The following GPATCH2L variants were observed in gnomAD, a reference collection of about 807,000 sequenced individuals.
The protein encoded by GPATCH2L is G patch domain-containing protein 2-like.
In GPATCH2L, 31 loss-of-function variants were observed where a neutral mutation model predicts 57.4. The ratio of observed to expected loss-of-function variants is 0.54; its 90% CI spans 0.41 to 0.73. The LOEUF is 0.73. Ranked by LOEUF, GPATCH2L falls within the 30% of genes least tolerant of loss-of-function variation. The pLI, the probability that GPATCH2L is intolerant of heterozygous loss-of-function variation, is 0.00. For synonymous variants in GPATCH2L, 199 were observed against 210.7 expected, an observed-to-expected ratio of 0.94 and a Z score of 0.48; for missense variants, 481 against 599.9, an observed-to-expected ratio of 0.80 and a Z score of 2.07.
chr14:76,235,234 G>A (rs1323867230), intron 2 of GPATCH2L, among the ~76,000 whole-genome samples: 2 of 151,760 alleles, frequency 1.3e-5, no homozygotes, highest in Non-Finnish European at 2.9e-5. Flanking sequence ...ATATTGAATT[G>A]AATGACTGAT....
Position 76,176,680 on chromosome 14 carries a change from C to T in GPATCH2L, c.1042C>T (p.Arg348Trp), listed in dbSNP as rs561613959. Residue 348 changes from arginine to tryptophan, a missense_variant, in exon 6 of 10, where the codon CGG (arginine) becomes TGG (tryptophan). Around this residue, in one of 3 missense-constraint regions of GPATCH2L, gnomAD observed 248 missense variants for 270.5 expected, o/e 0.92. Transcript: ENST00000261530. ...GATAAGCCATATCATTAGTGACCCT[C>T]GGCAGAAAGAGTAAGTGCTTATGTA... is the stretch of plus-strand genomic sequence containing the variant. The part of the protein sequence containing the change: ...ERISHIISDP[R>W]QKEKNKALAS... The T allele has an allele frequency of 2.1e-5, 34 of 1,605,258 alleles. No individual in the cohort carries two copies. The highest frequency in any genetic ancestry group is 9.9e-5 in the South Asian group (9 of 90,894).
At position 76,154,745 on chromosome 14, in the gene GPATCH2L, C is replaced by T. The variant is rs370738708; in HGVS notation, c.382C>T (p.Arg128Cys). 4 of 1,614,082 alleles carry T rather than the reference C, an allele frequency of 2.5e-6. No individual in the cohort carries two copies. Among genetic ancestry groups the T allele is most frequent in the African/African-American group, 2.7e-5 (2 of 74,932 alleles). Residue 128 changes from arginine (R) to cysteine (C), a missense_variant, in exon 2 of 10, where the codon CGC becomes TGC. Arg to Cys is a radical substitution (Grantham distance 180). This residue lies in a region of GPATCH2L where 208 missense variants were observed against 272.4 expected (regional missense o/e 0.76). Transcript: ENST00000261530. The surrounding 1 kb of genome is among the most constrained non-coding windows in gnomAD (Gnocchi z 4.4). ...TENAPCRPLR[R>C]RRKVKRVTSE... ...AAATGCACCTTGTCGACCACTCAGGCGCAGGCGGAAGGTGAAGCGAGTGAC... is the reference window on the plus strand; with the variant it reads ...AAATGCACCTTGTCGACCACTCAGGTGCAGGCGGAAGGTGAAGCGAGTGAC...
Position 76,213,266 on chromosome 14 carries a change from C to T in GPATCH2L, c.*11415C>T, listed in dbSNP as rs2040462354. On this transcript the variant is annotated 3_prime_UTR_variant, in exon 10 of 10. Coordinates refer to ENST00000261530, the MANE Select transcript of GPATCH2L (RefSeq NM_017926.4). ...GAGTCATAAAATATTCTTTGCTCAA[C>T]TGTATGCAAACAATTTAAAAACTTG... is the stretch of plus-strand genomic sequence containing the variant. 1 of 152,080 alleles carries T rather than the reference C, an allele frequency of 6.6e-6. No homozygotes were observed. Among genetic ancestry groups the T allele is most frequent in the Non-Finnish European group, 1.5e-5 (1 of 68,024 alleles). 9.4% of individuals were successfully genotyped at this position (152,080 alleles called of 1,614,324 possible).
chr14:76,202,564 G>C lies in GPATCH2L; in HGVS notation c.*713G>C, dbSNP rs1358565706. ...ACACACACACACACACACACACACA[G>C]ATTGGTATAATGGAGAAGATGGTTT... On this transcript the variant is annotated 3_prime_UTR_variant, in exon 10 of 10. Transcript: ENST00000261530. The C allele has an allele frequency of 8.3e-6, 1 of 121,180 alleles. No homozygotes were observed. The highest frequency in any genetic ancestry group is 3.5e-5 in the African/African-American group (1 of 28,546). 7.5% of individuals were successfully genotyped at this position (121,180 alleles called of 1,614,324 possible). A position where few individuals can be genotyped will look rare whatever the true frequency, so the allele number is the denominator to read the frequency against.
At chr14:76,162,716 A>G (rs1049381709) in intron 2 of GPATCH2L, among the ~76,000 whole-genome samples, 1 of 152,204 alleles carries the variant, frequency 6.6e-6, no homozygotes, top group African/African-American at 2.4e-5. Context: ...TTCAGGAACC[A>G]TAAGGGCAAG....
At position 76,180,928 on chromosome 14, in the gene GPATCH2L, T is replaced by A; in HGVS notation, c.1193+79T>A. The A allele has an allele frequency of 1.3e-5, 11 of 878,066 alleles. No individual in the cohort carries two copies. In the South Asian group the frequency reaches 1.5e-4, roughly 12 times the overall value. The allele number at this position is 878,066 out of a possible 1,614,324, so 54.4% of individuals were successfully genotyped here. On this transcript the variant is annotated intron_variant, in intron 8 of 9. Coordinates refer to ENST00000261530, the MANE Select transcript of GPATCH2L (RefSeq NM_017926.4). ...CTATTACCCCTCAAATTATAGAGTA[T>A]GCTTGTGTACAGTATCCAATTTGAT...
chr14:76,183,831 A>G (rs1398579777), intron 8 of GPATCH2L, among the ~76,000 whole-genome samples: 1 of 152,220 alleles, frequency 6.6e-6, no homozygotes, highest in Non-Finnish European at 1.5e-5. Flanking sequence ...AGAGTGGATC[A>G]TTTAGCAAAA....
rs770084687 is a variant in GPATCH2L, at chr14:76,201,815, T to A, written c.1413T>A (p.Phe471Leu). ...KATDATTATF[F>L]KMPQEKSPGY... ...CAGACGCAACTACTGCTACATTTTT[T>A]AAAATGCCACAAGAAAAGAGCCCTG... The change falls in exon 10 of 10, where the codon TTT becomes TTA. Residue 471 changes from phenylalanine (F) to leucine (L), a missense_variant. Physicochemically the swap from Phe to Leu is conservative, Grantham distance 22. Coordinates refer to ENST00000261530, the MANE Select transcript of GPATCH2L (RefSeq NM_017926.4). 7 of 1,613,962 alleles carry A rather than the reference T, an allele frequency of 4.3e-6. No individual in the cohort carries two copies. Among genetic ancestry groups the A allele is most frequent in the African/African-American group, 1.3e-5 (1 of 74,908 alleles).
chr14:76,233,854 A>T (rs1308167379), intron 2 of GPATCH2L, among the ~76,000 whole-genome samples: 4 of 152,188 alleles, frequency 2.6e-5, no homozygotes, highest in Non-Finnish European at 5.9e-5. Flanking sequence ...CTGTAATCCC[A>T]CCACTTTGGG....
At chr14:76,174,049 A>T (rs1055917905) in intron 5 of GPATCH2L, 1 of 179,468 alleles carries the variant, frequency 5.6e-6, no homozygotes, top group Non-Finnish European at 1.1e-5. Context: ...AAAAAAAAAC[A>T]AAACTGTTAC....
intron 8 of GPATCH2L, among the ~76,000 whole-genome samples, chr14:76,181,515 C>CT (rs1566797771): frequency 6.6e-6 from 1 of 152,082 alleles, no homozygotes; most frequent in Non-Finnish European, 1.5e-5. Context: ...TTTGGTTTTT[C>CT]TTTTTTAATT....
chr14:76,173,442 CA>C (rs1437819411), intron 4 of GPATCH2L, 103 bp from the exon 5 acceptor site: 4 of 670,158 alleles, frequency 6.0e-6, no homozygotes, highest in Non-Finnish European at 1.1e-5. Context: ...GTTTAAAGGT[CA>C]ATCTATTAAG....
intron 2 of GPATCH2L, among the ~76,000 whole-genome samples, chr14:76,165,649 G>A (rs1273010844): frequency 6.6e-6 from 1 of 151,936 alleles, no homozygotes; most frequent in African/African-American, 2.4e-5. Flanking sequence ...TTTTGCATCT[G>A]GTATTCAGAG....
chr14:76,173,814 C>A, intron 5 of GPATCH2L, 189 bp downstream of exon 5: 3 of 504,160 alleles, frequency 6.0e-6, no homozygotes, highest in Admixed American at 3.3e-5. Flanking sequence ...AAAGATGAAA[C>A]GTAATTCATA....
At chr14:76,230,120 G>A (rs2040554175) in intron 2 of GPATCH2L, among the ~76,000 whole-genome samples, 1 of 152,164 alleles carries the variant, frequency 6.6e-6, no homozygotes, top group Non-Finnish European at 1.5e-5. Context: ...TTTCCTGGTG[G>A]GCACCTCATT....
rs1017596391 is a variant in GPATCH2L at position 76,203,852 on chromosome 14, C to T, written c.*2001C>T. 11 of 152,052 alleles carry T rather than the reference C, an allele frequency of 7.2e-5. No individual in the cohort carries two copies. The highest frequency in any genetic ancestry group is 1.9e-4 in the African/African-American group (8 of 41,384). The allele number at this position is 152,052 out of a possible 1,614,324, so 9.4% of individuals were successfully genotyped here. On this transcript the variant is annotated 3_prime_UTR_variant, in exon 10 of 10. Transcript: ENST00000261530. The stretch of plus-strand genomic sequence containing the variant: ...GTTGGGTTTGAGAGAAATCTGTGGA[C>T]GTAATTTTTTGTTTGTGTCAAGCTC...
intron 2 of GPATCH2L, among the ~76,000 whole-genome samples, chr14:76,157,496 T>C (rs903745865): frequency 1.3e-5 from 2 of 152,254 alleles, no homozygotes; most frequent in East Asian, 3.8e-4. Flanking sequence ...AAGAATCTTC[T>C]TGGTTACCCT....
chr14:76,157,729 A>G (rs1034778483), intron 2 of GPATCH2L, among the ~76,000 whole-genome samples: 2 of 152,066 alleles, frequency 1.3e-5, no homozygotes, highest in Non-Finnish European at 2.9e-5. Context: ...GTGTGTCTCA[A>G]TCAGCTTATT....
intron 8 of GPATCH2L, among the ~76,000 whole-genome samples, chr14:76,190,618 T>A (rs980264042): frequency 5.9e-5 from 9 of 152,320 alleles, no homozygotes; most frequent in Admixed American, 6.5e-5. Flanking sequence ...ACAGTATTTT[T>A]ATCTAAATTT....
Sources: gnomAD v4.1 joint callset for allele counts (sites outside exome capture counted in the v4.1 genomes callset) on GRCh38, gnomAD v4.1.1 for gene constraint, gnomAD v4.1.1 regional missense constraint, Gnocchi (gnomAD v3.1) non-coding constraint, MANE v1.5 for transcripts, NCBI Gene and HGNC (gene_info 2026-07-23, HGNC 2026-07-21) for gene names.